The following PCDH9 variants were observed in gnomAD, a reference collection of about 807,000 sequenced individuals.
The protein encoded by PCDH9 is protocadherin-9.
In PCDH9, 24 loss-of-function variants were observed where a neutral mutation model predicts 70.6. The observed-to-expected ratio is 0.34, with a 90% confidence interval of 0.25 to 0.48. The LOEUF is 0.48. Ranked by LOEUF, PCDH9 falls within the 20% of genes least tolerant of loss-of-function variation. PCDH9 has a pLI of 0.99. For missense variants in PCDH9, 1,281 were observed against 1,503.6 expected (o/e 0.85, Z 2.45); for synonymous variants, 562 against 558.5 (o/e 1.01, Z -0.09).
chr13:66,549,976 T>C (rs941151951), intron 4 of PCDH9, among the ~76,000 whole-genome samples: 3 of 152,160 alleles, frequency 2.0e-5, no homozygotes, highest in African/African-American at 7.2e-5. Context: ...GTATCAACAT[T>C]AATTGAAAAA....
Position 67,226,142 on chromosome 13 carries a change from G to A in PCDH9, c.2299C>T (p.Leu767Phe), listed in dbSNP as rs760054864. 1.2e-6 allele frequency: 2 copies of A among 1,614,114 alleles called. No homozygotes were observed. The highest frequency in any genetic ancestry group is 1.7e-6 in the Non-Finnish European group (2 of 1,180,012). The change falls in exon 2 of 5, where the codon CTT (leucine) becomes TTT (phenylalanine). Residue 767 changes from leucine to phenylalanine, a missense_variant. By Grantham distance (22) the Leu-to-Phe change is conservative. This residue lies in a region of PCDH9 where 798 missense variants were observed against 1,003.1 expected (regional missense o/e 0.80). Transcript: ENST00000377865. The surrounding 1 kb of genome is among the most constrained non-coding windows in gnomAD (Gnocchi z 5.0). Reference sequence around the variant, plus strand: ...TTAACATAAAGGAATACAAGCACAAGCGTGTGCAAAGACTTAGGGTACCCC... The same window carrying A: ...TTAACATAAAGGAATACAAGCACAAACGTGTGCAAAGACTTAGGGTACCCC... ...DLGYPKSLHT[L>F]VLVFLYVNDT...
chr13:66,937,082 G>A (rs1260454418), intron 2 of PCDH9, among the ~76,000 whole-genome samples: 2 of 152,208 alleles, frequency 1.3e-5, no homozygotes, highest in East Asian at 1.9e-4. Context: ...TAATTTTCCA[G>A]TTTTATTATC....
chr13:66,325,144 G>T (rs1257342941), intron 4 of PCDH9, among the ~76,000 whole-genome samples: 3 of 151,920 alleles, frequency 2.0e-5, no homozygotes, highest in African/African-American at 7.3e-5. Context: ...AAAACAGGTG[G>T]GGTCCCTGTA....
intron 2 of PCDH9, among the ~76,000 whole-genome samples, chr13:67,029,083 G>T (rs769944692): frequency 7.9e-5 from 12 of 151,934 alleles, no homozygotes; most frequent in African/African-American, 2.4e-4. Context: ...AAATAAATGA[G>T]GAAAAATATG....
At chr13:66,962,835 A>T (rs1476839649) in intron 2 of PCDH9, among the ~76,000 whole-genome samples, 1 of 152,096 alleles carries the variant, frequency 6.6e-6, no homozygotes, top group Admixed American at 6.6e-5. Flanking sequence ...GTTGGGGGCC[A>T]GGGGTATTGG....
intron 2 of PCDH9, chr13:67,224,443 C>G (rs2089802171): frequency 1.3e-5 from 2 of 152,150 alleles, no homozygotes; most frequent in African/African-American, 4.8e-5. Context: ...CATCTACAGG[C>G]TATTATCGAT....
chr13:66,706,947 CT>C (rs1178118081), intron 3 of PCDH9, among the ~76,000 whole-genome samples: 2 of 152,138 alleles, frequency 1.3e-5, no homozygotes, highest in Non-Finnish European at 2.9e-5. Flanking sequence ...GGTGCTAGGC[CT>C]TTAGGAATAC....
chr13:67,049,360 C>T (rs1271362806), intron 2 of PCDH9, among the ~76,000 whole-genome samples: 3 of 152,124 alleles, frequency 2.0e-5, no homozygotes, highest in African/African-American at 7.2e-5. Flanking sequence ...GAAAAATTAA[C>T]AAATCATCTG....
At chr13:66,462,332 CT>C (rs1244299412) in intron 4 of PCDH9, among the ~76,000 whole-genome samples, 2 of 151,786 alleles carry the variant, frequency 1.3e-5, no homozygotes, top group African/African-American at 4.8e-5. Flanking sequence ...AAGCTTAAAC[CT>C]TTATGGTTTG....
intron 3 of PCDH9, among the ~76,000 whole-genome samples, chr13:66,883,608 T>C (rs1379061920): frequency 6.6e-6 from 1 of 152,182 alleles, no homozygotes; most frequent in East Asian, 1.9e-4. Flanking sequence ...ATGTTCCTTT[T>C]ATGAGAGAGT....
chr13:66,638,734 G>T (rs538712305), intron 3 of PCDH9, among the ~76,000 whole-genome samples: 18 of 152,246 alleles, frequency 1.2e-4, no homozygotes, highest in African/African-American at 4.3e-4. Context: ...TGGAATTAAC[G>T]TATGAAATCT....
chr13:66,978,026 T>G (rs998546284), intron 2 of PCDH9, among the ~76,000 whole-genome samples: 2 of 152,200 alleles, frequency 1.3e-5, no homozygotes, highest in Non-Finnish European at 2.9e-5. Context: ...TTTAAAGCCC[T>G]TTCGTAAGTG....
chr13:66,310,859 A>T (rs1156675282), intron 4 of PCDH9, among the ~76,000 whole-genome samples: 1 of 152,116 alleles, frequency 6.6e-6, no homozygotes, highest in African/African-American at 2.4e-5. Context: ...TGGAATACAC[A>T]TCTGACTGTC....
At chr13:66,358,021 C>T (rs1956413353) in intron 4 of PCDH9, among the ~76,000 whole-genome samples, 1 of 151,902 alleles carries the variant, frequency 6.6e-6, no homozygotes, top group Non-Finnish European at 1.5e-5. Flanking sequence ...AAATGTTAAT[C>T]AGTAATATAC....
intron 2 of PCDH9, among the ~76,000 whole-genome samples, chr13:67,003,459 T>C (rs558931831): frequency 4.6e-5 from 7 of 152,318 alleles, no homozygotes; most frequent in Non-Finnish European, 8.8e-5. Context: ...TTTTAAGGAA[T>C]TATAATGGTA....
intron 4 of PCDH9, among the ~76,000 whole-genome samples, chr13:66,391,758 T>C (rs1957021842): frequency 6.6e-6 from 1 of 151,916 alleles, no homozygotes; most frequent in South Asian, 2.1e-4. Context: ...ATGAGTGCCA[T>C]GAAAGTGATA....
chr13:66,901,013 G>A (rs1456258495), intron 3 of PCDH9, among the ~76,000 whole-genome samples: 2 of 151,326 alleles, frequency 1.3e-5, no homozygotes, highest in East Asian at 3.9e-4. Flanking sequence ...ATTAACACTA[G>A]ATTAATAACC....
At chr13:66,883,928 A>G (rs1463546747) in intron 3 of PCDH9, among the ~76,000 whole-genome samples, 1 of 141,326 alleles carries the variant, frequency 7.1e-6, no homozygotes, top group Non-Finnish European at 1.5e-5. Context: ...TTTGAGTCCA[A>G]GTCTCACTCT....
intron 2 of PCDH9, among the ~76,000 whole-genome samples, chr13:67,093,486 C>T (rs985711774): frequency 3.3e-5 from 5 of 151,768 alleles, no homozygotes; most frequent in African/African-American, 2.4e-5. Context: ...AATAAATAAA[C>T]GAGCAAAATT....
Sources: allele counts gnomAD v4.1 joint callset (sites outside exome capture counted in the v4.1 genomes callset), GRCh38; gene constraint gnomAD v4.1.1; regional missense constraint gnomAD v4.1.1; non-coding constraint Gnocchi (gnomAD v3.1); transcripts MANE v1.5; gene names NCBI Gene and HGNC (gene_info 2026-07-23, HGNC 2026-07-21).